The following MARCHF6 variants were observed in gnomAD, a reference collection of about 807,000 sequenced individuals.
MARCHF6 encodes E3 ubiquitin-protein ligase MARCHF6.
MARCHF6 carries 31 observed loss-of-function variants against 133.7 expected under a neutral mutation model. The ratio of observed to expected loss-of-function variants is 0.23; its 90% CI spans 0.17 to 0.31. The LOEUF (loss-of-function observed/expected upper bound fraction) is 0.31, where lower values mean the gene tolerates loss of function less well. Among genes scored for constraint, MARCHF6 ranks in the 10% least tolerant of loss-of-function variants. The probability of loss-of-function intolerance (pLI) is 1.00; values close to 1 mark genes in which losing one functional copy is unlikely to be tolerated. For missense variants in MARCHF6, 723 were observed against 1,121.6 expected, an observed-to-expected ratio of 0.64 and a Z score of 5.08; for synonymous variants, 395 against 402.5, an observed-to-expected ratio of 0.98 and a Z score of 0.22.
In MARCHF6 at chr5:10,356,447, G is replaced by A. The variant is rs1735480592; in HGVS notation, c.19+2530G>A. On this transcript the variant is annotated intron_variant, in intron 1 of 25. Transcript: ENST00000274140. The stretch of plus-strand genomic sequence containing the variant: ...GTCTTGCCCTGTTGCCCAGGCTGAA[G>A]TGCAGTGGCATGATCTCTGCTCACT... Among the ~76,000 whole-genome samples the A allele has an allele frequency of 6.0e-5, 9 of 149,468 alleles. No homozygotes were observed. In the South Asian group the frequency reaches 1.9e-3, roughly 31 times the overall value.
Position 10,439,651 on chromosome 5 carries a change from C to G in MARCHF6, c.*5967C>G, listed in dbSNP as rs959219629. 1.3e-5 allele frequency: 2 copies of G among 150,348 alleles called. No individual in the cohort carries two copies. Among genetic ancestry groups the G allele is most frequent in the South Asian group, 2.1e-4 (1 of 4,830 alleles). The allele number at this position is 150,348 out of a possible 1,614,324, so 9.3% of individuals were successfully genotyped here. A position where few individuals can be genotyped will look rare whatever the true frequency, so the allele number is the denominator to read the frequency against. ...TGAGCTTGCTGCCTCTGCCCCTGCT[C>G]TCTCTCCTTTTCCATTTGTTTTCAA... On this transcript the variant is annotated 3_prime_UTR_variant, in exon 26 of 26. Transcript: ENST00000274140.
chr5:10,373,762 A>G (rs543959418), intron 1 of MARCHF6, among the ~76,000 whole-genome samples: 1 of 152,274 alleles, frequency 6.6e-6, no homozygotes, highest in African/African-American at 2.4e-5. Context: ...CCCAAACCCT[A>G]TGCCTGAGAT....
intron 5 of MARCHF6, among the ~76,000 whole-genome samples, chr5:10,388,487 C>G (rs1353522998): frequency 6.6e-6 from 1 of 152,120 alleles, no homozygotes; most frequent in Non-Finnish European, 1.5e-5. Context: ...CAAACTGTCC[C>G]AAACCTTAGT....
intron 4 of MARCHF6, among the ~76,000 whole-genome samples, chr5:10,383,061 TTTAA>T (rs1458504016): frequency 6.6e-6 from 1 of 152,116 alleles, no homozygotes; most frequent in Non-Finnish European, 1.5e-5. Flanking sequence ...AAACTAAATG[TTTAA>T]TTAGTATAAT....
chr5:10,400,920 A>G, intron 11 of MARCHF6, 78 bp downstream of exon 11: 2 of 1,137,446 alleles, frequency 1.8e-6, no homozygotes, highest in South Asian at 2.6e-5. Flanking sequence ...TATTCTAAAG[A>G]GTTACATCAT....
chr5:10,416,360 A>G (rs544438407), intron 21 of MARCHF6, among the ~76,000 whole-genome samples: 90 of 152,352 alleles, frequency 5.9e-4, no homozygotes, highest in Middle Eastern at 3.4e-3. Flanking sequence ...TAGAAGTTTA[A>G]TATCCATTTA....
At chr5:10,386,264 C>T (rs940312463) in intron 4 of MARCHF6, among the ~76,000 whole-genome samples, 7 of 152,088 alleles carry the variant, frequency 4.6e-5, no homozygotes, top group South Asian at 4.1e-4. Context: ...TGGAAGTCTC[C>T]GATACAAGGC....
intron 1 of MARCHF6, among the ~76,000 whole-genome samples, chr5:10,371,783 G>GGC (rs1047467141): frequency 2.6e-5 from 4 of 152,182 alleles, no homozygotes; most frequent in African/African-American, 9.6e-5. Context: ...TTGAGGCAGT[G>GGC]GCTGGTCTTT....
At chr5:10,364,393 A>G (rs1448339658) in intron 1 of MARCHF6, among the ~76,000 whole-genome samples, 1 of 152,192 alleles carries the variant, frequency 6.6e-6, no homozygotes, top group South Asian at 2.1e-4. Context: ...CCTCATCAGC[A>G]GGGCTGTATG....
intron 23 of MARCHF6, 106 bp downstream of exon 23, chr5:10,423,930 C>A: frequency 7.3e-5 from 48 of 659,322 alleles, no homozygotes; most frequent in Non-Finnish European, 9.7e-5. Flanking sequence ...GAGTTTTCTA[C>A]ATTTTTTTTG....
rs1737856774 is a variant in MARCHF6 at position 10,391,673 on chromosome 5, TGAG to T, written c.714_716del (p.Glu239del). 1 of 1,607,172 alleles carries T rather than the reference TGAG, an allele frequency of 6.2e-7. No homozygotes were observed. The highest frequency in any genetic ancestry group is 1.3e-5 in the African/African-American group (1 of 74,212). ...AGGCAGAAGAGGAGGAGGAGGACAA[TGAG>T]GAGGAAGATGACGCTGGTGTGGAGG... On this transcript the variant is annotated inframe_deletion, in exon 7 of 26. Coordinates refer to ENST00000274140, the MANE Select transcript of MARCHF6 (RefSeq NM_005885.4).
chr5:10,428,067 A>G (rs1740182134), intron 24 of MARCHF6, among the ~76,000 whole-genome samples: 1 of 152,002 alleles, frequency 6.6e-6, no homozygotes, highest in Non-Finnish European at 1.5e-5. Context: ...CCTGTCTCAA[A>G]AAAAAAAAAT....
intron 7 of MARCHF6, among the ~76,000 whole-genome samples, chr5:10,392,753 CAAGAA>C (rs1341285370): frequency 1.8e-4 from 27 of 147,096 alleles, no homozygotes; most frequent in African/African-American, 6.4e-4. Flanking sequence ...GATTCCGTCT[CAAGAA>C]AAAAAAAAAA....
chr5:10,354,857 A>G (rs1735348049), intron 1 of MARCHF6, among the ~76,000 whole-genome samples: 2 of 152,206 alleles, frequency 1.3e-5, no homozygotes, highest in African/African-American at 4.8e-5. Flanking sequence ...TTAAACGAAA[A>G]TGAATTATCA....
intron 1 of MARCHF6, among the ~76,000 whole-genome samples, chr5:10,368,409 G>A (rs935823403): frequency 6.6e-6 from 1 of 152,124 alleles, no homozygotes; most frequent in Non-Finnish European, 1.5e-5. Flanking sequence ...AACACCAGAG[G>A]ATTGCTTGAG....
Position 10,400,843 on chromosome 5 carries a change from G to A in MARCHF6, c.972+1G>A, listed in dbSNP as rs763712048. 1.2e-6 allele frequency: 2 copies of A among 1,602,396 alleles called. No homozygotes were observed. Among genetic ancestry groups the A allele is most frequent in the Non-Finnish European group, 1.7e-6 (2 of 1,169,604 alleles). Reference sequence around the variant, plus strand: ...TGTTGGTTTGGGATTTGAAGAACACGTGAGTATAATACTTTTACAAAGTTA... The same window carrying A: ...TGTTGGTTTGGGATTTGAAGAACACATGAGTATAATACTTTTACAAAGTTA... On this transcript the variant is annotated splice_donor_variant, in intron 11 of 25. Transcript: ENST00000274140. LOFTEE classifies it high-confidence loss of function.
In MARCHF6 at chr5:10,391,614, G is replaced by C. The variant is rs746652529; in HGVS notation, c.649G>C (p.Val217Leu). Residue 217 changes from valine to leucine, a missense_variant, in exon 7 of 26, where the codon GTG becomes CTG. Val to Leu is a conservative substitution (Grantham distance 32). Transcript: ENST00000274140. ...TGCTAACCCACCAGCTGAGAACGCA[G>C]TGGTGGGGGAAAACCCTGATGCCCA... ...QPANPPAENA[V>L]VGENPDAQDD... 3.7e-6 allele frequency: 6 copies of C among 1,613,040 alleles called. No individual in the cohort carries two copies. The South Asian group carries it at 6.6e-5, about 18-fold the overall frequency.
intron 1 of MARCHF6, among the ~76,000 whole-genome samples, chr5:10,357,714 C>G (rs763520682): frequency 7.9e-5 from 12 of 152,090 alleles, no homozygotes; most frequent in Admixed American, 4.6e-4. Context: ...TGCTTGTGAC[C>G]AAGTGTACAT....
In MARCHF6 at chr5:10,415,383, A is replaced by G. The variant is rs1739448640; in HGVS notation, c.1967-105A>G. The stretch of plus-strand genomic sequence containing the variant: ...TTTGATGAAGACATTGATATATCGA[A>G]TGTGATATCTTTTTCCTAATGTGAA... On this transcript the variant is annotated intron_variant, in intron 20 of 25. Transcript: ENST00000274140. 2.9e-6 allele frequency: 3 copies of G among 1,019,394 alleles called. No individual in the cohort carries two copies. The East Asian group carries it at 7.2e-5, about 24-fold the overall frequency. The allele number at this position is 1,019,394 out of a possible 1,614,324, so 63.1% of individuals were successfully genotyped here.
Sources: gnomAD v4.1 joint callset for allele counts (sites outside exome capture counted in the v4.1 genomes callset) on GRCh38, gnomAD v4.1.1 for gene constraint, MANE v1.5 for transcripts, NCBI Gene and HGNC (gene_info 2026-07-23, HGNC 2026-07-21) for gene names.